PTK2: variants seen among roughly 807,000 people sequenced by gnomAD.
The protein encoded by PTK2 is focal adhesion kinase 1.
PTK2 carries 45 observed loss-of-function variants against 150.1 expected under a neutral mutation model. The ratio of observed to expected loss-of-function variants is 0.30; its 90% CI spans 0.24 to 0.38. The LOEUF is 0.38. PTK2 is among the 10% of genes least tolerant of loss of function. The probability of loss-of-function intolerance (pLI) is 1.00; values close to 1 mark genes in which losing one functional copy is unlikely to be tolerated. For missense variants in PTK2, 919 were observed against 1,307.3 expected, an observed-to-expected ratio of 0.70 and a Z score of 4.58; for synonymous variants, 432 against 449.2, an observed-to-expected ratio of 0.96 and a Z score of 0.48.
intron 31 of PTK2, 129 bp downstream of exon 35, chr8:140,664,788 C>T (rs866046340): frequency 2.2e-5 from 20 of 895,586 alleles, no homozygotes; most frequent in Middle Eastern, 2.6e-4. Flanking sequence ...GGAAGGTCAT[C>T]GCTTGTAGGG....
At chr8:140,666,780 G>C (rs1430960995) in intron 30 of PTK2, among the ~76,000 whole-genome samples, 1 of 152,212 alleles carries the variant, frequency 6.6e-6, no homozygotes, top group Non-Finnish European at 1.5e-5. Context: ...ACACTCAAAA[G>C]AAGTGAAAGC....
At chr8:140,803,771 G>A in intron 10 of PTK2, 121 bp from the exon 11 acceptor site, 2 of 895,710 alleles carry the variant, frequency 2.2e-6, no homozygotes, top group African/African-American at 3.4e-5. Context: ...TGGAGGTCTG[G>A]GGAAAAAAAC....
chr8:140,929,449 A>AG (rs962588736), intron 1 of PTK2, among the ~76,000 whole-genome samples: 1 of 152,184 alleles, frequency 6.6e-6, no homozygotes, highest in Non-Finnish European at 1.5e-5. Context: ...TCACTGACTA[A>AG]GGGCTTATAT....
intron 22 of PTK2, among the ~76,000 whole-genome samples, chr8:140,731,623 G>A (rs929867620): frequency 6.6e-6 from 1 of 152,120 alleles, no homozygotes; most frequent in African/African-American, 2.4e-5. Context: ...GGCTGGGCAT[G>A]GTGGCTCATG....
intron 13 of PTK2, among the ~76,000 whole-genome samples, chr8:140,790,688 G>A (rs1286436253): frequency 6.6e-6 from 1 of 152,154 alleles, no homozygotes; most frequent in African/African-American, 2.4e-5. Context: ...AATAATCACA[G>A]CAAACAGCCA....
chr8:140,939,109 G>A (rs1388131929), intron 1 of PTK2, among the ~76,000 whole-genome samples: 2 of 152,028 alleles, frequency 1.3e-5, no homozygotes, highest in Non-Finnish European at 2.9e-5. Flanking sequence ...GGCAAACAAA[G>A]GATACATCTT....
intron 5 of PTK2, among the ~76,000 whole-genome samples, chr8:140,859,189 C>T (rs1375607371): frequency 6.6e-6 from 1 of 152,086 alleles, no homozygotes; most frequent in East Asian, 1.9e-4. Context: ...AGAATAAAAA[C>T]ATGTTGTAAA....
intron 1 of PTK2, among the ~76,000 whole-genome samples, chr8:140,982,143 C>G (rs1306935346): frequency 6.7e-6 from 1 of 150,136 alleles, no homozygotes; most frequent in Non-Finnish European, 1.5e-5. Context: ...TACAGCAAAG[C>G]ATAGCAAGCT....
At chr8:140,696,254 A>G (rs2100026527) in intron 26 of PTK2, among the ~76,000 whole-genome samples, 1 of 152,238 alleles carries the variant, frequency 6.6e-6, no homozygotes, top group African/African-American at 2.4e-5. Flanking sequence ...ATTGTCATAC[A>G]GTGAGAAACA....
At chr8:140,854,447 T>C (rs532315808) in intron 5 of PTK2, among the ~76,000 whole-genome samples, 1 of 152,188 alleles carries the variant, frequency 6.6e-6, no homozygotes, top group Admixed American at 6.5e-5. Flanking sequence ...CAAATGAAAG[T>C]TGTGAGAGAA....
At position 140,857,444 on chromosome 8, in the gene PTK2, A is replaced by C. The variant is rs980953922; in HGVS notation, c.450+6868T>G. ...AAATCCAAGTGTGGAAAGGCAATTA[A>C]GCATCATAACAATTCAATGACTTAG... is the stretch of plus-strand genomic sequence containing the variant. On this transcript the variant is annotated intron_variant, in intron 5 of 31. Transcript: ENST00000522684. Among the ~76,000 whole-genome samples, 37 of 152,344 alleles carry C rather than the reference A, an allele frequency of 2.4e-4. 1 individual carries two copies. Among genetic ancestry groups the C allele is most frequent in the Admixed American group, 1.5e-3 (23 of 15,306 alleles).
chr8:140,814,163 T>C (rs190499130), intron 10 of PTK2, among the ~76,000 whole-genome samples: 10 of 152,222 alleles, frequency 6.6e-5, no homozygotes, highest in Non-Finnish European at 8.8e-5. Context: ...CCGTAATAAA[T>C]AGCCTACCAA....
intron 14 of PTK2, among the ~76,000 whole-genome samples, chr8:140,776,613 A>C (rs1478738474): frequency 6.6e-6 from 1 of 152,168 alleles, no homozygotes; most frequent in Non-Finnish European, 1.5e-5. Flanking sequence ...GCCAGAAGGA[A>C]AGTAGTGCCA....
chr8:140,933,329 A>G (rs936303616), intron 1 of PTK2, among the ~76,000 whole-genome samples: 1 of 152,200 alleles, frequency 6.6e-6, no homozygotes, highest in South Asian at 2.1e-4. Context: ...CAAGAACAGG[A>G]GGGGCTAAAA....
At chr8:140,710,524 A>G (rs1411219072) in intron 23 of PTK2, among the ~76,000 whole-genome samples, 1 of 152,036 alleles carries the variant, frequency 6.6e-6, no homozygotes, top group Non-Finnish European at 1.5e-5. Flanking sequence ...CAAAAAAATT[A>G]GCCAGGCGTG....
intron 26 of PTK2, among the ~76,000 whole-genome samples, chr8:140,695,567 C>T (rs1337364826): frequency 1.3e-5 from 2 of 152,080 alleles, no homozygotes; most frequent in Non-Finnish European, 2.9e-5. Flanking sequence ...AGTGCCACCA[C>T]GCCTGGCTAA....
intron 11 of PTK2, among the ~76,000 whole-genome samples, chr8:140,803,334 A>C (rs991368907): frequency 3.3e-5 from 5 of 151,966 alleles, no homozygotes; most frequent in African/African-American, 1.2e-4. Context: ...CTTTACAATA[A>C]CGTTCTTGGA....
chr8:140,864,354 C>G (rs1438045313), exon 5 of PTK2: 1 of 1,600,858 alleles, frequency 6.2e-7, no homozygotes, highest in African/African-American at 1.3e-5. Context: ...CTTCAGTAAA[C>G]TGGTTTAGAA....
intron 23 of PTK2, among the ~76,000 whole-genome samples, chr8:140,714,130 C>T (rs1335372328): frequency 6.6e-6 from 1 of 152,162 alleles, no homozygotes; most frequent in African/African-American, 2.4e-5. Context: ...TCAAGTGATC[C>T]CCCTACCTCA....
Sources: allele counts gnomAD v4.1 joint callset (sites outside exome capture counted in the v4.1 genomes callset), GRCh38; gene constraint gnomAD v4.1.1; transcripts MANE v1.5; gene names NCBI Gene and HGNC (gene_info 2026-07-23, HGNC 2026-07-21).